Variants in UGT1A1 observed in about 807,000 individuals in gnomAD.
The protein encoded by UGT1A1 is UDP-glucuronosyltransferase 1A1.
A neutral mutation model predicts 40.6 loss-of-function variants in UGT1A1; 33 were observed. That is an observed-to-expected ratio of 0.81 (90% confidence interval 0.62 to 1.09). The LOEUF (loss-of-function observed/expected upper bound fraction) is 1.09, where lower values mean the gene tolerates loss of function less well. Ranked by LOEUF, UGT1A1 falls within the 50% of genes least tolerant of loss-of-function variation. UGT1A1 has a pLI of 0.00. For missense variants in UGT1A1, 694 were observed against 671.2 expected, an observed-to-expected ratio of 1.03 and a Z score of -0.38; for synonymous variants, 249 against 265.0, an observed-to-expected ratio of 0.94 and a Z score of 0.59.
chr2:233,762,771 C>G (rs543365278), intron 1 of UGT1A1, among the ~76,000 whole-genome samples: 5 of 150,154 alleles, frequency 3.3e-5, no homozygotes, highest in South Asian at 4.2e-4. Context: ...ATTTCTATCT[C>G]TAGCTGATTA....
intron 1 of UGT1A1, among the ~76,000 whole-genome samples, chr2:233,762,146 C>G (rs541150164): frequency 2.2e-4 from 33 of 152,272 alleles, no homozygotes; most frequent in Admixed American, 4.6e-4. Context: ...TGTGACTTTG[C>G]ATTAATCACA....
chr2:233,772,994 C>G lies in UGT1A1; in HGVS notation c.*435C>G, dbSNP rs1700561362. The G allele has an allele frequency of 1.2e-5, 3 of 254,612 alleles. No homozygotes were observed. Among genetic ancestry groups the G allele is most frequent in the Admixed American group, 5.0e-5 (1 of 19,886 alleles). The allele number at this position is 254,612 out of a possible 1,614,324, so 15.8% of individuals were successfully genotyped here. On this transcript the variant is annotated 3_prime_UTR_variant, in exon 5 of 5. Transcript: ENST00000305208. Reference sequence around the variant, plus strand: ...AACCAATAATGGTCAGTCCTCATCTCTGTCGTGCTTCATAGGTGCCACCTT... The same window carrying G: ...AACCAATAATGGTCAGTCCTCATCTGTGTCGTGCTTCATAGGTGCCACCTT...
rs2126030462 is a variant in UGT1A1 at position 233,767,128 on chromosome 2, T to C, written c.959T>C (p.Met320Thr). The change falls in exon 2 of 5, where the codon ATG (methionine) becomes ACG (threonine). Residue 320 changes from methionine to threonine, a missense_variant. Transcript: ENST00000305208. Reference protein sequence around the residue: ...MVSEIPEKKAMAIADALGKIP... With the variant: ...MVSEIPEKKATAIADALGKIP... ...TCAGAAATTCCAGAGAAGAAAGCTA[T>C]GGCAATTGCTGATGCTTTGGGCAAA... 1 of 1,614,150 alleles carries C rather than the reference T, an allele frequency of 6.2e-7. No individual in the cohort carries two copies. The highest frequency in any genetic ancestry group is 1.3e-5 in the African/African-American group (1 of 75,052).
At position 233,772,646 on chromosome 2, in the gene UGT1A1, A is replaced by C; in HGVS notation, c.*87A>C. 6.5e-7 allele frequency: 1 copy of C among 1,549,870 alleles called. No homozygotes were observed. The highest frequency in any genetic ancestry group is 8.7e-7 in the Non-Finnish European group (1 of 1,147,250). ...ACAGAATCAGTGTTAAATTCATTTT[A>C]TTCTTATTAAGGAAATACTTTGCAT... On this transcript the variant is annotated 3_prime_UTR_variant, in exon 5 of 5. Coordinates refer to ENST00000305208, the MANE Select transcript of UGT1A1 (RefSeq NM_000463.3).
At chr2:233,768,037 T>C (rs1699552537) in intron 3 of UGT1A1, 101 bp downstream of exon 3, 3 of 1,611,640 alleles carry the variant, frequency 1.9e-6, no homozygotes, top group Non-Finnish European at 2.5e-6. Context: ...GAAAATATTA[T>C]GGCCAACATA....
intron 1 of UGT1A1, among the ~76,000 whole-genome samples, chr2:233,765,979 G>A (rs1451312439): frequency 1.3e-5 from 2 of 152,138 alleles, no homozygotes; most frequent in Non-Finnish European, 2.9e-5. Flanking sequence ...GATGTTTACA[G>A]CTCCTGAAGC....
At chr2:233,763,882 A>G (rs1279865944) in intron 1 of UGT1A1, among the ~76,000 whole-genome samples, 1 of 152,208 alleles carries the variant, frequency 6.6e-6, no homozygotes, top group Non-Finnish European at 1.5e-5. Flanking sequence ...GGTCTGAGAA[A>G]AATAACTAAA....
rs759077293 is a variant in UGT1A1, at chr2:233,769,522, C to T, written c.1304+1083C>T. On this transcript the variant is annotated intron_variant, in intron 4 of 4. Transcript: ENST00000305208. The surrounding 1 kb of genome is among the most constrained non-coding windows in gnomAD (Gnocchi z 4.4). ...GTCCATTGCTTTCTCCCATGGTTAC[C>T]TCCTTTAGAAAGAAGCAGCAGTCAG... 1.2e-6 allele frequency: 2 copies of T among 1,612,844 alleles called. No individual in the cohort carries two copies. The highest frequency in any genetic ancestry group is 1.7e-6 in the Non-Finnish European group (2 of 1,179,866).
At position 233,772,362 on chromosome 2, in the gene UGT1A1, A is replaced by C. The variant is rs1400939614; in HGVS notation, c.1405A>C (p.Lys469Gln). 6.2e-7 allele frequency: 1 copy of C among 1,614,242 alleles called. No individual in the cohort carries two copies. The highest frequency in any genetic ancestry group is 2.2e-5 in the East Asian group (1 of 44,878). Reference sequence around the variant, plus strand: ...CTGGGTGGAGTTTGTGATGAGGCACAAGGGCGCGCCACACCTGCGCCCCGC... The same window carrying C: ...CTGGGTGGAGTTTGTGATGAGGCACCAGGGCGCGCCACACCTGCGCCCCGC... ...VFWVEFVMRH[K>Q]GAPHLRPAAH... The change falls in exon 5 of 5, where the codon AAG (lysine) becomes CAG (glutamine). Residue 469 changes from lysine to glutamine, a missense_variant. Physicochemically the swap from Lys to Gln is moderately conservative, Grantham distance 53. Coordinates refer to ENST00000305208, the MANE Select transcript of UGT1A1 (RefSeq NM_000463.3).
chr2:233,766,832 C>T (rs1042829925), intron 1 of UGT1A1, among the ~76,000 whole-genome samples: 12 of 152,168 alleles, frequency 7.9e-5, no homozygotes, highest in African/African-American at 2.9e-4. Context: ...ATTCTGTAAG[C>T]AGGAACCCTT....
intron 1 of UGT1A1, among the ~76,000 whole-genome samples, chr2:233,764,942 G>C (rs12479045): frequency 0.069 from 10,555 of 152,174 alleles, 509 homozygotes; most frequent in East Asian, 0.2. Flanking sequence ...TGAGAGTGGC[G>C]GGGAGAGAGG....
Position 233,761,024 on chromosome 2 carries a change from A to T in UGT1A1, c.737A>T (p.Asp246Val). 6.2e-7 allele frequency: 1 copy of T among 1,614,070 alleles called. No homozygotes were observed. The highest frequency in any genetic ancestry group is 8.5e-7 in the Non-Finnish European group (1 of 1,180,020). ...CTTCAGAGAGAGGTGACTGTCCAGG[A>T]CCTATTGAGCTCTGCATCTGTCTGG... Reference protein sequence around the residue: ...EFLQREVTVQDLLSSASVWLF... With the variant: ...EFLQREVTVQVLLSSASVWLF... The change falls in exon 1 of 5, where the codon GAC becomes GTC. Residue 246 changes from aspartate (D) to valine (V), a missense_variant. Physicochemically the swap from Asp to Val is radical, Grantham distance 152. Transcript: ENST00000305208.
intron 1 of UGT1A1, among the ~76,000 whole-genome samples, chr2:233,766,135 C>T (rs569141558): frequency 2.0e-5 from 3 of 152,288 alleles, no homozygotes; most frequent in Admixed American, 6.5e-5. Context: ...CCAGAAGAAT[C>T]GAATCCCACC....
chr2:233,763,859 A>G (rs1418944768), intron 1 of UGT1A1, among the ~76,000 whole-genome samples: 1 of 152,176 alleles, frequency 6.6e-6, no homozygotes, highest in Non-Finnish European at 1.5e-5. Context: ...GTTCACAGAC[A>G]ATCGCAATGC....
chr2:233,760,703 C>T lies in UGT1A1; in HGVS notation c.416C>T (p.Ser139Phe). The change falls in exon 1 of 5, where the codon TCC (serine) becomes TTC (phenylalanine). Residue 139 changes from serine (S) to phenylalanine (F), a missense_variant. Ser to Phe is a radical substitution (Grantham distance 155). Coordinates refer to ENST00000305208, the MANE Select transcript of UGT1A1 (RefSeq NM_000463.3). ...CTGCACAACAAGGAGCTCATGGCCTCCCTGGCAGAAAGCAGCTTTGATGTC... is the reference window on the plus strand; with the variant it reads ...CTGCACAACAAGGAGCTCATGGCCTTCCTGGCAGAAAGCAGCTTTGATGTC... ...HLLHNKELMA[S>F]LAESSFDVML... 6.2e-7 allele frequency: 1 copy of T among 1,614,236 alleles called. No individual in the cohort carries two copies.
chr2:233,762,111 A>T (rs899038640), intron 1 of UGT1A1, among the ~76,000 whole-genome samples: 1 of 152,200 alleles, frequency 6.6e-6, no homozygotes, highest in South Asian at 2.1e-4. Flanking sequence ...TGTCCGCTTC[A>T]CATCATGAGC....
At position 233,769,451 on chromosome 2, in the gene UGT1A1, G is replaced by A; in HGVS notation, c.1304+1012G>A. On this transcript the variant is annotated intron_variant, in intron 4 of 4. Transcript: ENST00000305208. This position sits in a 1 kb window ranked among gnomAD's most constrained non-coding sequence, Gnocchi z 4.4. ...TGTGCTCATGTGTGGGTGCACACGT[G>A]TGCATTCATATGCGTGTGTGTGTGT... is the stretch of plus-strand genomic sequence containing the variant. 1 of 1,590,738 alleles carries A rather than the reference G, an allele frequency of 6.3e-7. No homozygotes were observed. Among genetic ancestry groups the A allele is most frequent in the Non-Finnish European group, 8.6e-7 (1 of 1,161,554 alleles).
chr2:233,766,377 AATGT>A (rs1451884562), intron 1 of UGT1A1, among the ~76,000 whole-genome samples: 1 of 151,914 alleles, frequency 6.6e-6, no homozygotes, highest in Non-Finnish European at 1.5e-5. Context: ...AGTTCTTCTC[AATGT>A]CCAGCTGTCC....
rs1389365341 is a variant in UGT1A1, at chr2:233,760,610, G to T, written c.323G>T (p.Arg108Leu). Reference protein sequence around the residue: ...NVFENDSFLQRVIKTYKKIKK... With the variant: ...NVFENDSFLQLVIKTYKKIKK... ...TTTGAGAATGATTCTTTCCTGCAGC[G>T]TGTGATCAAAACATACAAGAAAATA... is the stretch of plus-strand genomic sequence containing the variant. Residue 108 changes from arginine to leucine, a missense_variant, in exon 1 of 5, where the codon CGT (arginine) becomes CTT (leucine). Arg to Leu is a moderately radical substitution (Grantham distance 102). Coordinates refer to ENST00000305208, the MANE Select transcript of UGT1A1 (RefSeq NM_000463.3). The T allele has an allele frequency of 1.2e-6, 2 of 1,614,182 alleles. No homozygotes were observed. Among genetic ancestry groups the T allele is most frequent in the South Asian group, 2.2e-5 (2 of 91,082 alleles).
Sources: gnomAD v4.1 joint callset for allele counts (sites outside exome capture counted in the v4.1 genomes callset) on GRCh38, gnomAD v4.1.1 for gene constraint, Gnocchi (gnomAD v3.1) non-coding constraint, MANE v1.5 for transcripts, NCBI Gene and HGNC (gene_info 2026-07-23, HGNC 2026-07-21) for gene names.